The following ZNF385D variants were observed in gnomAD, a reference collection of about 807,000 sequenced individuals.
ZNF385D encodes the protein zinc finger protein 659.
ZNF385D carries 15 observed loss-of-function variants against 35.8 expected under a neutral mutation model. That is an observed-to-expected ratio of 0.42 (90% CI 0.28 to 0.64). ZNF385D has a LOEUF of 0.64. Among genes scored for constraint, ZNF385D ranks in the 30% least tolerant of loss-of-function variants. The pLI is 0.23. For missense variants in ZNF385D, 474 were observed against 494.6 expected, an observed-to-expected ratio of 0.96 and a Z score of 0.39; for synonymous variants, 212 against 186.8, an observed-to-expected ratio of 1.13 and a Z score of -1.10.
chr3:21,892,818 A>AT (rs1406585027), intron 3 of ZNF385D, among the ~76,000 whole-genome samples: 1 of 152,154 alleles, frequency 6.6e-6, no homozygotes, highest in Non-Finnish European at 1.5e-5. Flanking sequence ...CAGATTAGTG[A>AT]TTTTTTAAAC....
chr3:22,309,585 C>T (rs1338582496), intron 2 of ZNF385D, among the ~76,000 whole-genome samples: 3 of 151,832 alleles, frequency 2.0e-5, no homozygotes, highest in African/African-American at 2.4e-5. Context: ...TAAAACATGG[C>T]CAGGTCTAGA....
In ZNF385D at chr3:22,093,370, A is replaced by G. The variant is rs77643954; in HGVS notation, c.325+75447T>C. On this transcript the variant is annotated intron_variant, in intron 3 of 5. Transcript: ENST00000494108. ...AAATATTATTAAATACATATAAAAT[A>G]TAGTTATAATTTAATAAAAGTGCAA... 8.0e-4 allele frequency among the ~76,000 whole-genome samples: 121 copies of G among 151,860 alleles called. 1 individual carries two copies. In the East Asian group the frequency reaches 0.022, roughly 27 times the overall value.
chr3:22,065,841 TCTC>T (rs1402517289), intron 3 of ZNF385D, among the ~76,000 whole-genome samples: 5 of 152,254 alleles, frequency 3.3e-5, no homozygotes, highest in South Asian at 2.1e-4. Flanking sequence ...TAATCTCTTA[TCTC>T]CTCATTTTGA....
At chr3:22,111,442 T>A (rs1023703231) in intron 3 of ZNF385D, among the ~76,000 whole-genome samples, 1 of 151,986 alleles carries the variant, frequency 6.6e-6, no homozygotes, top group South Asian at 2.1e-4. Flanking sequence ...ACCACAGGGA[T>A]TGGCAAACTA....
chr3:21,835,729 T>C (rs985462893), intron 3 of ZNF385D, among the ~76,000 whole-genome samples: 17 of 152,108 alleles, frequency 1.1e-4, no homozygotes, highest in African/African-American at 4.1e-4. Context: ...GGAAAGATGA[T>C]ACCTTTTACA....
chr3:21,949,545 T>C lies in ZNF385D; in HGVS notation c.325+219272A>G, dbSNP rs942157925. The stretch of plus-strand genomic sequence containing the variant: ...ATGCCCCTATTTTCTTTCCTTCTTT[T>C]CTTTCTTTCTTTTTTTTTTTTTTTT... On this transcript the variant is annotated intron_variant, in intron 3 of 5. Coordinates refer to the ZNF385D transcript ENST00000494108. Among the ~76,000 whole-genome samples, 50 of 73,580 alleles carry C rather than the reference T, an allele frequency of 6.8e-4. No individual in the cohort carries two copies. In the East Asian group the frequency reaches 0.015, roughly 22 times the overall value. The allele number at this position is 73,580 out of a possible 152,430, so 48.3% of individuals were successfully genotyped here.
intron 4 of ZNF385D, among the ~76,000 whole-genome samples, chr3:21,499,236 C>T (rs1477507364): frequency 1.3e-5 from 2 of 152,030 alleles, no homozygotes; most frequent in Non-Finnish European, 2.9e-5. Flanking sequence ...ACCTAATGCC[C>T]ATCAATGGTA....
At chr3:22,059,419 T>A (rs561627369) in intron 3 of ZNF385D, among the ~76,000 whole-genome samples, 7 of 152,178 alleles carry the variant, frequency 4.6e-5, no homozygotes, top group Admixed American at 6.5e-5. Context: ...TTTCTTAACA[T>A]CAACACCAAC....
intron 2 of ZNF385D, among the ~76,000 whole-genome samples, chr3:22,321,160 C>A (rs1024627758): frequency 1.7e-5 from 2 of 117,034 alleles, no homozygotes; most frequent in African/African-American, 6.8e-5. Flanking sequence ...ACACTTATGA[C>A]CTTGTTTTTT....
At chr3:22,158,090 C>T (rs1705708606) in intron 3 of ZNF385D, among the ~76,000 whole-genome samples, 1 of 152,098 alleles carries the variant, frequency 6.6e-6, no homozygotes, top group African/African-American at 2.4e-5. Context: ...GCAGATGTGT[C>T]TGTTCCCTCT....
chr3:21,748,024 TTAA>T (rs1182920781), intron 1 of ZNF385D, among the ~76,000 whole-genome samples: 2 of 152,122 alleles, frequency 1.3e-5, no homozygotes, highest in Non-Finnish European at 2.9e-5. Flanking sequence ...AACCTTATAT[TTAA>T]CTCCAAATGG....
intron 5 of ZNF385D, among the ~76,000 whole-genome samples, chr3:21,427,060 C>T (rs1282757510): frequency 6.6e-6 from 1 of 152,134 alleles, no homozygotes; most frequent in Non-Finnish European, 1.5e-5. Flanking sequence ...AGAACTGCTC[C>T]AGTGTAATGA....
intron 4 of ZNF385D, among the ~76,000 whole-genome samples, chr3:21,508,604 A>T (rs1365269513): frequency 1.3e-5 from 2 of 152,176 alleles, no homozygotes; most frequent in African/African-American, 2.4e-5. Context: ...TGAGTATTAA[A>T]TCCTCAGTAT....
At chr3:21,760,313 T>C (rs1295942246) in intron 3 of ZNF385D, among the ~76,000 whole-genome samples, 1 of 152,204 alleles carries the variant, frequency 6.6e-6, no homozygotes, top group East Asian at 1.9e-4. Context: ...TGAATACAAC[T>C]GGAGGAACTT....
chr3:22,305,049 A>G (rs1703129258), intron 2 of ZNF385D, among the ~76,000 whole-genome samples: 1 of 151,936 alleles, frequency 6.6e-6, no homozygotes, highest in African/African-American at 2.4e-5. Context: ...ATCTCCAAAT[A>G]TTTTTCCTTA....
intron 1 of ZNF385D, among the ~76,000 whole-genome samples, chr3:21,672,091 C>T (rs1027715080): frequency 1.1e-4 from 17 of 152,126 alleles, no homozygotes; most frequent in African/African-American, 4.1e-4. Context: ...ACTCTTTGTC[C>T]AGGAAAATTG....
intron 2 of ZNF385D, among the ~76,000 whole-genome samples, chr3:22,172,836 A>G (rs948461973): frequency 1.3e-5 from 2 of 152,206 alleles, no homozygotes; most frequent in Non-Finnish European, 2.9e-5. Context: ...AATAACTTAA[A>G]TAGACATCCT....
chr3:21,517,965 C>T (rs1230041055), intron 3 of ZNF385D, among the ~76,000 whole-genome samples: 1 of 152,148 alleles, frequency 6.6e-6, no homozygotes, highest in Non-Finnish European at 1.5e-5. Context: ...TTCTCAATCT[C>T]CATCCTGGAC....
At chr3:22,036,355 G>T (rs1004440088) in intron 3 of ZNF385D, among the ~76,000 whole-genome samples, 9 of 152,052 alleles carry the variant, frequency 5.9e-5, no homozygotes, top group Non-Finnish European at 1.5e-5. Context: ...ACCAAGTTTT[G>T]GCCCAATGAG....
Sources: gnomAD v4.1 joint callset for allele counts (sites outside exome capture counted in the v4.1 genomes callset) on GRCh38, gnomAD v4.1.1 for gene constraint, MANE v1.5 for transcripts, NCBI Gene and HGNC (gene_info 2026-07-23, HGNC 2026-07-21) for gene names.